PUM2: variants seen among roughly 807,000 people sequenced by gnomAD.
PUM2 encodes pumilio RNA binding family member 2.
PUM2 carries 57 observed loss-of-function variants against 124.5 expected under a neutral mutation model. The ratio of observed to expected loss-of-function variants is 0.46; its 90% CI spans 0.37 to 0.57. PUM2 has a LOEUF of 0.57. Ranked by LOEUF, PUM2 falls within the 20% of genes least tolerant of loss-of-function variation. PUM2 has a pLI of 0.00. For synonymous variants in PUM2, 460 were observed against 446.1 expected, an observed-to-expected ratio of 1.03 and a Z score of -0.39; for missense variants, 1,065 against 1,290.6, an observed-to-expected ratio of 0.83 and a Z score of 2.68.
intron 3 of PUM2, among the ~76,000 whole-genome samples, chr2:20,317,325 A>G (rs762853887): frequency 1.3e-5 from 2 of 152,088 alleles, no homozygotes; most frequent in Non-Finnish European, 2.9e-5. Flanking sequence ...TCTCCCCACT[A>G]CTTATGAAGT....
intron 10 of PUM2, among the ~76,000 whole-genome samples, chr2:20,285,466 T>G (rs1213545995): frequency 6.6e-6 from 1 of 152,150 alleles, no homozygotes; most frequent in Non-Finnish European, 1.5e-5. Flanking sequence ...TCTTTCTAGT[T>G]TTACCTGGTA....
rs1275344776 is a variant in PUM2, at chr2:20,327,329, T to G, written c.32A>C (p.Glu11Ala). The G allele has an allele frequency of 7.6e-6, 12 of 1,578,034 alleles. No individual in the cohort carries two copies. The highest frequency in any genetic ancestry group is 8.7e-6 in the Non-Finnish European group (10 of 1,148,614). Residue 11 changes from glutamate (E) to alanine (A), a missense_variant, in exon 2 of 21, where the codon GAA becomes GCA. Coordinates refer to ENST00000361078, the MANE Select transcript of PUM2 (RefSeq NM_015317.5). ...ATTTACCTCTCCCATTCCCCGAGATTCTAATGCAAGAGCTTGAAAATCATG... is the reference window on the plus strand; with the variant it reads ...ATTTACCTCTCCCATTCCCCGAGATGCTAATGCAAGAGCTTGAAAATCATG... MNHDFQALAL[E>A]SRGMGELLPT...
In PUM2 at chr2:20,350,790, G is replaced by T. The variant is rs1689229205; in HGVS notation, c.-212C>A. On this transcript the variant is annotated 5_prime_UTR_variant, in exon 1 of 21. Coordinates refer to ENST00000361078, the MANE Select transcript of PUM2 (RefSeq NM_015317.5). The stretch of plus-strand genomic sequence containing the variant: ...TCCTCCGAACCACCGAAGTACCGAG[G>T]GTGAGACACAGAGACTCACAACAAC... 6 of 977,764 alleles carry T rather than the reference G, an allele frequency of 6.1e-6. No homozygotes were observed. The African/African-American group carries it at 1.1e-4, about 18-fold the overall frequency. The allele number at this position is 977,764 out of a possible 1,614,324, so 60.6% of individuals were successfully genotyped here. A position where few individuals can be genotyped will look rare whatever the true frequency, so the allele number is the denominator to read the frequency against.
chr2:20,345,824 A>G (rs541574304), intron 1 of PUM2, among the ~76,000 whole-genome samples: 1 of 152,202 alleles, frequency 6.6e-6, no homozygotes, highest in Non-Finnish European at 1.5e-5. Context: ...GTGAGCCGAG[A>G]TCACGCCATT....
intron 1 of PUM2, among the ~76,000 whole-genome samples, chr2:20,337,984 C>A (rs183433542): frequency 6.6e-6 from 1 of 152,234 alleles, no homozygotes; most frequent in Admixed American, 6.5e-5. Flanking sequence ...CACAATTTCC[C>A]TACCCTAATA....
chr2:20,283,694 C>A (rs898610750), intron 10 of PUM2, among the ~76,000 whole-genome samples: 8 of 151,852 alleles, frequency 5.3e-5, no homozygotes, highest in Non-Finnish European at 8.8e-5. Context: ...AACATTTTTT[C>A]TCTAAATTTT....
At chr2:20,311,814 CA>C in intron 4 of PUM2, 151 bp from the exon 5 acceptor site, 2 of 866,532 alleles carry the variant, frequency 2.3e-6, no homozygotes, top group Admixed American at 3.5e-5. Context: ...TATCAAAGGC[CA>C]AAAAATTGCG....
At chr2:20,349,824 G>A (rs966517355) in intron 1 of PUM2, among the ~76,000 whole-genome samples, 1 of 152,128 alleles carries the variant, frequency 6.6e-6, no homozygotes, top group Non-Finnish European at 1.5e-5. Context: ...CTAATATGCT[G>A]GCAATACATT....
At chr2:20,259,014 A>G (rs1156821536) in intron 15 of PUM2, among the ~76,000 whole-genome samples, 1 of 152,192 alleles carries the variant, frequency 6.6e-6, no homozygotes, top group East Asian at 1.9e-4. Flanking sequence ...TACGTTGACC[A>G]CCAAAACTCT....
At chr2:20,339,219 TAC>T (rs1457779664) in intron 1 of PUM2, among the ~76,000 whole-genome samples, 1 of 152,186 alleles carries the variant, frequency 6.6e-6, no homozygotes, top group African/African-American at 2.4e-5. Flanking sequence ...GCAAATAAAT[TAC>T]AGTTATGTAA....
intron 3 of PUM2, among the ~76,000 whole-genome samples, chr2:20,313,926 TG>T (rs1236874736): frequency 6.6e-6 from 1 of 151,194 alleles, no homozygotes; most frequent in Admixed American, 6.6e-5. Flanking sequence ...GTGGACTGCT[TG>T]ACCTCAGGAG....
At chr2:20,272,036 G>A (rs760222801) in intron 13 of PUM2, among the ~76,000 whole-genome samples, 2 of 152,126 alleles carry the variant, frequency 1.3e-5, no homozygotes, top group African/African-American at 2.4e-5. Flanking sequence ...GCAGGCGCCT[G>A]TAATCCCCAC....
intron 15 of PUM2, among the ~76,000 whole-genome samples, chr2:20,258,650 CTT>C (rs1057217780): frequency 4.3e-5 from 4 of 93,856 alleles, no homozygotes; most frequent in Non-Finnish European, 5.9e-5. Context: ...AACCCTTCAT[CTT>C]TTTTTTTTTT....
intron 2 of PUM2, among the ~76,000 whole-genome samples, chr2:20,320,253 C>CA (rs1162583754): frequency 6.6e-6 from 1 of 151,784 alleles, no homozygotes; most frequent in East Asian, 1.9e-4. Flanking sequence ...TCTCAAAAAA[C>CA]AAAAAACAAA....
At chr2:20,288,251 A>G (rs1040014796) in intron 10 of PUM2, among the ~76,000 whole-genome samples, 1 of 152,232 alleles carries the variant, frequency 6.6e-6, no homozygotes, top group Admixed American at 6.5e-5. Context: ...GACTGATAAA[A>G]AAGCAATGAG....
At position 20,274,957 on chromosome 2, in the gene PUM2, CAA is replaced by C. The variant is rs774985208; in HGVS notation, c.1957+3624_1957+3625del. 1.2e-3 allele frequency among the ~76,000 whole-genome samples: 37 copies of C among 31,416 alleles called. 7 individuals carry two copies. The highest frequency in any genetic ancestry group is 6.7e-3 in the Admixed American group (15 of 2,252). The allele number at this position is 31,416 out of a possible 152,430, so 20.6% of individuals were successfully genotyped here. A position where few individuals can be genotyped will look rare whatever the true frequency, so the allele number is the denominator to read the frequency against. On this transcript the variant is annotated intron_variant, in intron 13 of 20. Coordinates refer to ENST00000361078, the MANE Select transcript of PUM2 (RefSeq NM_015317.5). ...TTCTTCACAACAAGTGAAGTATCTC[CAA>C]AAAAAAAAAAAAAAAGATGCTTACT...
chr2:20,272,412 T>G (rs1169138704), intron 13 of PUM2, among the ~76,000 whole-genome samples: 1 of 152,192 alleles, frequency 6.6e-6, no homozygotes, highest in Non-Finnish European at 1.5e-5. Context: ...ATTCAACTAC[T>G]CCTGCCCAAG....
chr2:20,262,477 T>A (rs770535882), intron 14 of PUM2, among the ~76,000 whole-genome samples: 1 of 152,236 alleles, frequency 6.6e-6, no homozygotes, highest in Non-Finnish European at 1.5e-5. Flanking sequence ...TAGTAGGCTA[T>A]GCCATCTAGG....
chr2:20,254,210 G>A (rs1664206585), intron 19 of PUM2, among the ~76,000 whole-genome samples, 196 bp from the exon 20 acceptor site: 1 of 151,692 alleles, frequency 6.6e-6, no homozygotes, highest in South Asian at 2.1e-4. Flanking sequence ...ACCCGGGCTG[G>A]AGTGCAGTGA....
Sources: gnomAD v4.1 joint callset for allele counts (sites outside exome capture counted in the v4.1 genomes callset) on GRCh38, gnomAD v4.1.1 for gene constraint, MANE v1.5 for transcripts, NCBI Gene and HGNC (gene_info 2026-07-23, HGNC 2026-07-21) for gene names.